Variants in CA12 observed in about 807,000 individuals in gnomAD.
CA12 encodes carbonate dehydratase XII.
Under a neutral mutation model 46.8 loss-of-function variants are expected in CA12, and 36 were observed. That is an observed-to-expected ratio of 0.77 (90% CI 0.59 to 1.02). CA12 has a LOEUF of 1.02. CA12 is among the 50% of genes least tolerant of loss of function. CA12 has a pLI of 0.00. For synonymous variants in CA12, 202 were observed against 187.0 expected (o/e 1.08, Z -0.65); for missense variants, 436 against 451.4 (o/e 0.97, Z 0.31).
intron 3 of CA12, 83 bp downstream of exon 3, chr15:63,346,447 T>G (rs1187885637): frequency 1.5e-6 from 1 of 678,040 alleles, no homozygotes; most frequent in Non-Finnish European, 2.3e-6. Context: ...ACGGAACACC[T>G]CCCTGCCAGA....
intron 1 of CA12, among the ~76,000 whole-genome samples, chr15:63,381,395 C>A (rs1276234397): frequency 6.6e-6 from 1 of 152,170 alleles, no homozygotes; most frequent in Non-Finnish European, 1.5e-5. Flanking sequence ...CTGGCGGTGC[C>A]CGGGAGTACA....
At position 63,345,986 on chromosome 15, in the gene CA12, C is replaced by T. The variant is rs1001142228; in HGVS notation, c.287-367G>A. ...CTTTAGAATTATATAGCAACAGCAACGATAACTGCTATTTATGAAGCATTT... is the reference window on the plus strand; with the variant it reads ...CTTTAGAATTATATAGCAACAGCAATGATAACTGCTATTTATGAAGCATTT... On this transcript the variant is annotated intron_variant, in intron 3 of 10. Transcript: ENST00000178638. The surrounding 1 kb of genome is among the most constrained non-coding windows in gnomAD (Gnocchi z 4.3). Among the ~76,000 whole-genome samples, 7 of 152,220 alleles carry T rather than the reference C, an allele frequency of 4.6e-5. No homozygotes were observed. Among genetic ancestry groups the T allele is most frequent in the African/African-American group, 9.6e-5 (4 of 41,460 alleles).
In CA12 at chr15:63,346,603, G is replaced by T. The variant is rs2039152546; in HGVS notation, c.213C>A (p.Leu71=). 1 of 1,614,022 alleles carries T rather than the reference G, an allele frequency of 6.2e-7. No homozygotes were observed. The highest frequency in any genetic ancestry group is 1.1e-5 in the South Asian group (1 of 91,086). ...HSDILQYDAS[L]TPLEFQGYNL... is the part of the protein sequence containing the mutation. ...TGTAGCCTTGGAACTCGAGGGGCGT[G>T]AGGCTGGCGTCATACTGGAGGATGT... Residue 71 remains leucine, a synonymous_variant, in exon 3 of 11, where the codon CTC becomes CTA. Coordinates refer to ENST00000178638, the MANE Select transcript of CA12 (RefSeq NM_001218.5).
In CA12 at chr15:63,355,485, G is replaced by T. The variant is rs1470915385; in HGVS notation, c.107-8776C>A. The stretch of plus-strand genomic sequence containing the variant: ...CCAGGCCTACCGAACCGGACACTCT[G>T]GGGGTGGCGCCCAGCATCTGCCGTT... On this transcript the variant is annotated intron_variant, in intron 2 of 10. Transcript: ENST00000178638. This position sits in a 1 kb window ranked among gnomAD's most constrained non-coding sequence, Gnocchi z 4.1. Among the ~76,000 whole-genome samples the T allele has an allele frequency of 1.3e-5, 2 of 152,220 alleles. No homozygotes were observed. Among genetic ancestry groups the T allele is most frequent in the Non-Finnish European group, 2.9e-5 (2 of 68,042 alleles).
intron 2 of CA12, among the ~76,000 whole-genome samples, chr15:63,370,458 A>G (rs1396580438): frequency 6.7e-6 from 1 of 150,070 alleles, no homozygotes; most frequent in East Asian, 2.0e-4. Flanking sequence ...AAAAAAAAAA[A>G]GAAAAAAAGA....
intron 2 of CA12, among the ~76,000 whole-genome samples, chr15:63,356,744 A>G (rs2039300883): frequency 6.6e-6 from 1 of 152,114 alleles, no homozygotes; most frequent in African/African-American, 2.4e-5. Context: ...CCTGACTTCA[A>G]GTGATCCACC....
chr15:63,330,750 C>G lies in CA12; in HGVS notation c.875-2620G>C, dbSNP rs1039851983. Among the ~76,000 whole-genome samples the G allele has an allele frequency of 2.0e-5, 3 of 152,178 alleles. No homozygotes were observed. Among genetic ancestry groups the G allele is most frequent in the Non-Finnish European group, 4.4e-5 (3 of 68,032 alleles). Reference sequence around the variant, plus strand: ...TCTCTGGAGGGAGAGTCTGGCTTCCCCCGGTTATTACGCGGGGTTCCTGTT... The same window carrying G: ...TCTCTGGAGGGAGAGTCTGGCTTCCGCCGGTTATTACGCGGGGTTCCTGTT... On this transcript the variant is annotated intron_variant, in intron 8 of 10. Transcript: ENST00000178638. The surrounding 1 kb of genome is among the most constrained non-coding windows in gnomAD (Gnocchi z 4.0).
intron 1 of CA12, among the ~76,000 whole-genome samples, chr15:63,377,708 A>T (rs1409468346): frequency 6.6e-6 from 1 of 152,234 alleles, no homozygotes; most frequent in African/African-American, 2.4e-5. Context: ...TAGAGCAACC[A>T]CTTTGGATCT....
At chr15:63,371,087 C>T (rs973149913) in intron 2 of CA12, among the ~76,000 whole-genome samples, 1 of 152,212 alleles carries the variant, frequency 6.6e-6, no homozygotes, top group Admixed American at 6.5e-5. Context: ...CAAGAGTTTG[C>T]TTCCTGGCCT....
chr15:63,379,230 T>C (rs937813964), intron 1 of CA12, among the ~76,000 whole-genome samples: 2 of 152,064 alleles, frequency 1.3e-5, no homozygotes, highest in Non-Finnish European at 1.5e-5. Context: ...TAAATGGCAG[T>C]GTCTGGAGGG....
rs1292706347 is a variant in CA12 at position 63,326,332 on chromosome 15, C to G, written c.1018G>C (p.Val340Leu). 1 of 1,613,878 alleles carries G rather than the reference C, an allele frequency of 6.2e-7. No individual in the cohort carries two copies. The highest frequency in any genetic ancestry group is 1.3e-5 in the African/African-American group (1 of 74,900). ...KSIKKGDNKG[V>L]IYKPATKMET... ...ATCTTGGTGGCTGGCTTGTAAATGA[C>G]TCCCTTGTTATCACCTTTTTTGATA... The change falls in exon 11 of 11, where the codon GTC becomes CTC. Residue 340 changes from valine (V) to leucine (L), a missense_variant. Transcript: ENST00000178638.
chr15:63,346,438 CG>C, intron 3 of CA12, 91 bp downstream of exon 3: 1 of 918,260 alleles, frequency 1.1e-6, no homozygotes, highest in Non-Finnish European at 1.7e-6. Flanking sequence ...GATGCTTCCA[CG>C]GAACACCTCC....
chr15:63,365,327 A>C (rs192027345), intron 2 of CA12, among the ~76,000 whole-genome samples: 3 of 152,246 alleles, frequency 2.0e-5, no homozygotes, highest in Non-Finnish European at 4.4e-5. Context: ...CCTCAACGGC[A>C]TGAGGTGTAG....
intron 1 of CA12, among the ~76,000 whole-genome samples, chr15:63,377,632 T>C (rs923829825): frequency 4.6e-5 from 7 of 152,252 alleles, no homozygotes; most frequent in African/African-American, 1.7e-4. Flanking sequence ...GAAAGTCAGA[T>C]GGTTCTACAA....
chr15:63,370,597 A>AC (rs890434065), intron 2 of CA12, among the ~76,000 whole-genome samples: 31 of 151,752 alleles, frequency 2.0e-4, no homozygotes, highest in Non-Finnish European at 7.4e-5. Context: ...ACATGGTGAA[A>AC]CCCCGTCTCT....
intron 2 of CA12, among the ~76,000 whole-genome samples, chr15:63,364,777 G>C (rs2039417698): frequency 6.6e-6 from 1 of 152,212 alleles, no homozygotes; most frequent in African/African-American, 2.4e-5. Context: ...GTCCTGTCCA[G>C]TGCTAATCAC....
intron 2 of CA12, among the ~76,000 whole-genome samples, chr15:63,360,965 G>C (rs530554420): frequency 2.6e-5 from 4 of 152,312 alleles, no homozygotes; most frequent in African/African-American, 9.6e-5. Context: ...AAGCGAATCG[G>C]TGAATAAACT....
rs2038904581 is a variant in CA12 at position 63,329,121 on chromosome 15, G to A, written c.875-991C>T. Among the ~76,000 whole-genome samples, 2 of 152,232 alleles carry A rather than the reference G, an allele frequency of 1.3e-5. No individual in the cohort carries two copies. The highest frequency in any genetic ancestry group is 2.1e-4 in the South Asian group (1 of 4,832). On this transcript the variant is annotated intron_variant, in intron 8 of 10. Coordinates refer to ENST00000178638, the MANE Select transcript of CA12 (RefSeq NM_001218.5). The surrounding 1 kb of genome is among the most constrained non-coding windows in gnomAD (Gnocchi z 4.8). ...GTACCTGCCTCACTTCCTAAGCAAGGAATCCATCACCAGACTTCTCCCCCA... is the reference window on the plus strand; with the variant it reads ...GTACCTGCCTCACTTCCTAAGCAAGAAATCCATCACCAGACTTCTCCCCCA...
chr15:63,343,902 G>A (rs554110127), intron 4 of CA12, among the ~76,000 whole-genome samples: 7 of 151,768 alleles, frequency 4.6e-5, no homozygotes, highest in South Asian at 2.1e-4. Context: ...TAAATAAGAC[G>A]GCTACAAAGA....
Sources: allele counts gnomAD v4.1 joint callset (sites outside exome capture counted in the v4.1 genomes callset), GRCh38; gene constraint gnomAD v4.1.1; non-coding constraint Gnocchi (gnomAD v3.1); transcripts MANE v1.5; gene names NCBI Gene and HGNC (gene_info 2026-07-23, HGNC 2026-07-21).